The following TNR variants were observed in gnomAD, a reference collection of about 807,000 sequenced individuals.
The protein encoded by TNR is tenascin-R.
TNR carries 45 observed loss-of-function variants against 150.4 expected under a neutral mutation model. The ratio of observed to expected loss-of-function variants is 0.30; its 90% CI spans 0.24 to 0.38. The LOEUF is 0.38. Ranked by LOEUF, TNR falls within the 10% of genes least tolerant of loss-of-function variation. The pLI is 1.00. For missense variants in TNR, 1,544 were observed against 1,759.1 expected (o/e 0.88, Z 2.19); for synonymous variants, 687 against 678.4 (o/e 1.01, Z -0.20).
rs1407988120 is a variant in TNR at position 175,316,378 on chromosome 1, G to A, written c.*6979C>T. ...ATATTTCCACTGATGTACTCCCGCAGGGGACTGTGAAGGTGTTTGTACCCC... is the reference window on the plus strand; with the variant it reads ...ATATTTCCACTGATGTACTCCCGCAAGGGACTGTGAAGGTGTTTGTACCCC... On this transcript the variant is annotated 3_prime_UTR_variant, in exon 23 of 23. Coordinates refer to ENST00000367674, the MANE Select transcript of TNR (RefSeq NM_003285.3). The A allele has an allele frequency of 6.6e-6, 1 of 152,240 alleles. No individual in the cohort carries two copies. Among genetic ancestry groups the A allele is most frequent in the Non-Finnish European group, 1.5e-5 (1 of 68,048 alleles). The allele number at this position is 152,240 out of a possible 1,614,324, so 9.4% of individuals were successfully genotyped here.
chr1:175,732,169 T>C (rs1385096982), intron 1 of TNR, among the ~76,000 whole-genome samples: 1 of 152,216 alleles, frequency 6.6e-6, no homozygotes, highest in Non-Finnish European at 1.5e-5. Flanking sequence ...CAGGAATAAA[T>C]TGGGCTTGGC....
chr1:175,627,863 A>G (rs1664202985), intron 1 of TNR, among the ~76,000 whole-genome samples: 1 of 152,190 alleles, frequency 6.6e-6, no homozygotes, highest in Admixed American at 6.5e-5. Context: ...ATTTCTAAGA[A>G]GACTTTGGCC....
At chr1:175,486,393 G>C (rs1195630811) in intron 2 of TNR, among the ~76,000 whole-genome samples, 5 of 151,330 alleles carry the variant, frequency 3.3e-5, no homozygotes, top group Non-Finnish European at 5.9e-5. Flanking sequence ...TTCTGTTCTT[G>C]TGTTAGTTTG....
intron 1 of TNR, among the ~76,000 whole-genome samples, chr1:175,618,394 A>C (rs1419470650): frequency 6.6e-6 from 1 of 152,222 alleles, no homozygotes; most frequent in Non-Finnish European, 1.5e-5. Context: ...CAATGCAGAC[A>C]GTACAAATCA....
At chr1:175,683,902 A>G (rs1666112088) in intron 1 of TNR, among the ~76,000 whole-genome samples, 2 of 152,186 alleles carry the variant, frequency 1.3e-5, no homozygotes, top group South Asian at 4.1e-4. Context: ...TGAGAAGGCA[A>G]TTTGTGAGCT....
At chr1:175,394,406 G>A (rs1441699788) in intron 5 of TNR, among the ~76,000 whole-genome samples, 1 of 152,176 alleles carries the variant, frequency 6.6e-6, no homozygotes, top group African/African-American at 2.4e-5. Flanking sequence ...TAATACTAGA[G>A]TGATTTCCTT....
intron 2 of TNR, among the ~76,000 whole-genome samples, chr1:175,509,122 A>G (rs1404345631): frequency 6.6e-6 from 1 of 152,228 alleles, no homozygotes; most frequent in African/African-American, 2.4e-5. Context: ...GCAGGAAACC[A>G]GTATGAGCCA....
intron 2 of TNR, among the ~76,000 whole-genome samples, chr1:175,508,251 A>G (rs1200779073): frequency 5.9e-5 from 9 of 152,224 alleles, no homozygotes. Context: ...AGTTCTGCAT[A>G]TGTATCCTAG....
chr1:175,578,670 T>A (rs893470517), intron 1 of TNR, among the ~76,000 whole-genome samples: 10 of 152,228 alleles, frequency 6.6e-5, no homozygotes, highest in Admixed American at 5.9e-4. Context: ...TTCAGTGATG[T>A]GGCTTAATGA....
At chr1:175,365,674 T>A (rs1651803798) in intron 11 of TNR, among the ~76,000 whole-genome samples, 1 of 152,184 alleles carries the variant, frequency 6.6e-6, no homozygotes. Flanking sequence ...TTCAGGCAGG[T>A]AACACTATTG....
intron 12 of TNR, among the ~76,000 whole-genome samples, chr1:175,364,729 T>A (rs996938873): frequency 6.6e-6 from 1 of 152,222 alleles, no homozygotes; most frequent in African/African-American, 2.4e-5. Context: ...CCAGTGCTTT[T>A]CTTCTAAGCT....
rs189481147 is a variant in TNR at position 175,322,314 on chromosome 1, A to G, written c.*1043T>C. On this transcript the variant is annotated 3_prime_UTR_variant, in exon 23 of 23. Coordinates refer to ENST00000367674, the MANE Select transcript of TNR (RefSeq NM_003285.3). Reference sequence around the variant, plus strand: ...GCCAGGAGCAGGCAATGCCTTGGGAACTAGATTCCAAAATGCTGGTTGGGC... The same window carrying G: ...GCCAGGAGCAGGCAATGCCTTGGGAGCTAGATTCCAAAATGCTGGTTGGGC... 2.0e-4 allele frequency: 31 copies of G among 152,400 alleles called. No individual in the cohort carries two copies. Among genetic ancestry groups the G allele is most frequent in the African/African-American group, 6.5e-4 (27 of 41,582 alleles). 9.4% of individuals were successfully genotyped at this position (152,400 alleles called of 1,614,324 possible).
In TNR at chr1:175,451,217, A is replaced by T. The variant is rs1302185234; in HGVS notation, c.-63-44440T>A. ...AGCACCTGGTTAGTTTTTTTTTTTT[A>T]ATGTTTTTATTTTTTTATTATACTT... On this transcript the variant is annotated intron_variant, in intron 2 of 22. Transcript: ENST00000367674. Among the ~76,000 whole-genome samples the T allele has an allele frequency of 3.6e-3, 313 of 86,656 alleles. 2 individuals carry two copies. Among genetic ancestry groups the T allele is most frequent in the East Asian group, 0.01 (16 of 1,546 alleles). The allele number at this position is 86,656 out of a possible 152,430, so 56.8% of individuals were successfully genotyped here.
chr1:175,356,316 C>T lies in TNR; in HGVS notation c.3118+3G>A. On this transcript the variant is annotated splice_donor_region_variant and intron_variant, in intron 16 of 22. Transcript: ENST00000367674. ...ACGGGTATGTAGGTGACCATGTACT[C>T]ACGAGTAGAAAAGTTGGTGCTGATG... The T allele has an allele frequency of 6.2e-7, 1 of 1,613,944 alleles. No homozygotes were observed.
chr1:175,396,827 A>G lies in TNR; in HGVS notation c.977-20T>C. 1.2e-6 allele frequency: 2 copies of G among 1,604,900 alleles called. No individual in the cohort carries two copies. The highest frequency in any genetic ancestry group is 3.3e-5 in the Admixed American group (2 of 59,746). On this transcript the variant is annotated intron_variant, in intron 4 of 22. Coordinates refer to ENST00000367674, the MANE Select transcript of TNR (RefSeq NM_003285.3). The stretch of plus-strand genomic sequence containing the variant: ...GGGCAACTACCGGGAGGCAATACAC[A>G]GATAGCATGAGCTCAGAGGATTGCC...
At chr1:175,345,040 G>C (rs921214794) in intron 18 of TNR, among the ~76,000 whole-genome samples, 3 of 151,632 alleles carry the variant, frequency 2.0e-5, no homozygotes, top group Non-Finnish European at 2.9e-5. Context: ...CCCGGGAGAC[G>C]GAGGTTGCAG....
intron 2 of TNR, among the ~76,000 whole-genome samples, chr1:175,460,050 T>C (rs954930510): frequency 2.0e-5 from 3 of 152,140 alleles, no homozygotes; most frequent in Non-Finnish European, 1.5e-5. Flanking sequence ...GGTGCCCAGA[T>C]TGGCATTATG....
intron 2 of TNR, among the ~76,000 whole-genome samples, chr1:175,449,023 G>A (rs1571455324): frequency 6.6e-6 from 1 of 152,210 alleles, no homozygotes; most frequent in African/African-American, 2.4e-5. Context: ...TCTGACCCAA[G>A]TATCAGCCTA....
chr1:175,426,298 T>C (rs1184808919), intron 2 of TNR, among the ~76,000 whole-genome samples: 1 of 152,010 alleles, frequency 6.6e-6, no homozygotes, highest in African/African-American at 2.4e-5. Context: ...CTTTGAGGGG[T>C]GTTGCTTCTT....
Sources: allele counts gnomAD v4.1 joint callset (sites outside exome capture counted in the v4.1 genomes callset), GRCh38; gene constraint gnomAD v4.1.1; transcripts MANE v1.5; gene names NCBI Gene and HGNC (gene_info 2026-07-23, HGNC 2026-07-21).